Variants in FCHSD2 observed in about 807,000 individuals in gnomAD.
FCHSD2 encodes the protein FCH and double SH3 domains 2, also known as F-BAR and double SH3 domains protein 2.
FCHSD2 carries 38 observed loss-of-function variants against 108.1 expected under a neutral mutation model. That is an observed-to-expected ratio of 0.35 (90% CI 0.27 to 0.46). The LOEUF (loss-of-function observed/expected upper bound fraction) is 0.46, where lower values mean the gene tolerates loss of function less well. Ranked by LOEUF, FCHSD2 falls within the 20% of genes least tolerant of loss-of-function variation. The probability of loss-of-function intolerance (pLI) is 1.00; values close to 1 mark genes in which losing one functional copy is unlikely to be tolerated. For synonymous variants in FCHSD2, 279 were observed against 314.7 expected (o/e 0.89, Z 1.20); for missense variants, 751 against 897.8 (o/e 0.84, Z 2.09).
intron 10 of FCHSD2, among the ~76,000 whole-genome samples, chr11:72,895,932 A>C (rs1855408250): frequency 6.6e-6 from 1 of 152,200 alleles, no homozygotes; most frequent in Non-Finnish European, 1.5e-5. Flanking sequence ...CTACAAGCAG[A>C]AAGAGCCACC....
intron 5 of FCHSD2, among the ~76,000 whole-genome samples, chr11:72,993,547 G>A (rs1435849346): frequency 1.3e-5 from 2 of 152,104 alleles, no homozygotes; most frequent in African/African-American, 4.8e-5. Flanking sequence ...AAGAAAATGT[G>A]GCACATATAC....
intron 12 of FCHSD2, among the ~76,000 whole-genome samples, chr11:72,875,987 A>G (rs922356704): frequency 1.3e-5 from 2 of 152,236 alleles, no homozygotes; most frequent in Non-Finnish European, 2.9e-5. Context: ...TCTAGCTGAA[A>G]GTAATTGCTT....
intron 2 of FCHSD2, among the ~76,000 whole-genome samples, chr11:73,096,229 T>G (rs535795725): frequency 2.4e-4 from 37 of 152,004 alleles, no homozygotes; most frequent in African/African-American, 8.7e-4. Context: ...AAATGAATTT[T>G]TAAACTTCTT....
intron 10 of FCHSD2, chr11:72,900,213 C>A: frequency 7.9e-7 from 1 of 1,261,082 alleles, no homozygotes; most frequent in Non-Finnish European, 1.1e-6. Flanking sequence ...ACATGCAAAC[C>A]CACACTTCCC....
chr11:73,061,599 C>T (rs1019291436), intron 3 of FCHSD2, among the ~76,000 whole-genome samples: 2 of 152,192 alleles, frequency 1.3e-5, no homozygotes, highest in Non-Finnish European at 2.9e-5. Flanking sequence ...AGTCTGAGAT[C>T]GACCTGGGAC....
intron 5 of FCHSD2, 78 bp from the exon 6 acceptor site, chr11:72,989,175 C>T (rs1857364881): frequency 1.8e-6 from 2 of 1,118,222 alleles, no homozygotes; most frequent in African/African-American, 1.6e-5. Flanking sequence ...AAGGACTATA[C>T]ACTATGCCTT....
At chr11:73,138,965 A>G (rs1861185301) in intron 2 of FCHSD2, among the ~76,000 whole-genome samples, 1 of 152,196 alleles carries the variant, frequency 6.6e-6, no homozygotes, top group Non-Finnish European at 1.5e-5. Context: ...GGGAAGGAAG[A>G]CAAATACAGA....
In FCHSD2 at chr11:72,985,058, T is replaced by G; in HGVS notation, c.576+4A>C. 1 of 1,206,502 alleles carries G rather than the reference T, an allele frequency of 8.3e-7. No individual in the cohort carries two copies. The highest frequency in any genetic ancestry group is 1.2e-6 in the Non-Finnish European group (1 of 835,874). The allele number at this position is 1,206,502 out of a possible 1,614,324, so 74.7% of individuals were successfully genotyped here. On this transcript the variant is annotated splice_donor_region_variant and intron_variant, in intron 7 of 19. Transcript: ENST00000409418. ...GTTGTGAAATACACTTATTGAAAAC[T>G]TACCTTTACACTTGCCTTCTGTAAA...
chr11:72,902,891 T>C (rs1855555526), intron 9 of FCHSD2, among the ~76,000 whole-genome samples: 2 of 152,174 alleles, frequency 1.3e-5, no homozygotes, highest in South Asian at 4.1e-4. Context: ...GACTGGACAA[T>C]ATATAATACC....
In FCHSD2 at chr11:72,842,614, C is replaced by A; in HGVS notation, c.1926+7G>T. On this transcript the variant is annotated splice_region_variant and intron_variant, in intron 17 of 19. Coordinates refer to ENST00000409418, the MANE Select transcript of FCHSD2 (RefSeq NM_014824.3). Reference sequence around the variant, plus strand: ...CTTTTAATTCAACTGTCTCCCCTCTCAGGTACCTGAATCTCTCTCATCCAT... The same window carrying A: ...CTTTTAATTCAACTGTCTCCCCTCTAAGGTACCTGAATCTCTCTCATCCAT... The A allele has an allele frequency of 6.2e-7, 1 of 1,613,984 alleles. No individual in the cohort carries two copies. The highest frequency in any genetic ancestry group is 8.5e-7 in the Non-Finnish European group (1 of 1,179,878).
chr11:73,043,056 G>C (rs1273854298), intron 3 of FCHSD2, among the ~76,000 whole-genome samples: 2 of 152,118 alleles, frequency 1.3e-5, no homozygotes, highest in African/African-American at 2.4e-5. Context: ...TCTTTCTCTT[G>C]ACTGATGCTC....
intron 10 of FCHSD2, among the ~76,000 whole-genome samples, chr11:72,901,433 A>G (rs1457291036): frequency 6.6e-6 from 1 of 152,002 alleles, no homozygotes; most frequent in Admixed American, 6.6e-5. Context: ...AAATAAGTAA[A>G]AATAAAAACA....
intron 2 of FCHSD2, among the ~76,000 whole-genome samples, chr11:73,086,635 T>C (rs1287403562): frequency 6.6e-6 from 1 of 152,074 alleles, no homozygotes; most frequent in African/African-American, 2.4e-5. Context: ...ATTGACAAAC[T>C]TTACCTAGGA....
chr11:72,994,019 AGTT>A (rs1857473897), intron 5 of FCHSD2, among the ~76,000 whole-genome samples: 3 of 152,252 alleles, frequency 2.0e-5, no homozygotes, highest in South Asian at 2.1e-4. Flanking sequence ...CTGTCTATAG[AGTT>A]GTTGTAAAAA....
At chr11:72,988,925 T>G in intron 6 of FCHSD2, 39 bp downstream of exon 6, 1 of 1,552,970 alleles carries the variant, frequency 6.4e-7, no homozygotes, top group Non-Finnish European at 8.8e-7. Context: ...ATAACATTTA[T>G]TTGCATAATA....
chr11:72,984,842 A>G (rs1857281617), intron 7 of FCHSD2, among the ~76,000 whole-genome samples: 1 of 152,248 alleles, frequency 6.6e-6, no homozygotes, highest in African/African-American at 2.4e-5. Context: ...AGGTCCAGAA[A>G]CTTATCCCTA....
intron 12 of FCHSD2, among the ~76,000 whole-genome samples, chr11:72,883,534 A>C (rs909937103): frequency 1.3e-5 from 2 of 152,216 alleles, no homozygotes; most frequent in Non-Finnish European, 2.9e-5. Flanking sequence ...AAAACTTATA[A>C]AAAGATGCTC....
intron 12 of FCHSD2, among the ~76,000 whole-genome samples, chr11:72,880,868 GAAA>G (rs147665190): frequency 7.4e-6 from 1 of 134,264 alleles, no homozygotes; most frequent in African/African-American, 2.8e-5. Context: ...ACCCTGTCTC[GAAA>G]AAAAAAAAAA....
intron 2 of FCHSD2, among the ~76,000 whole-genome samples, chr11:73,099,130 C>T (rs1860157115): frequency 1.3e-5 from 2 of 152,128 alleles, no homozygotes; most frequent in Admixed American, 1.3e-4. Flanking sequence ...GTAGAAGAAT[C>T]ACCGAGCCCA....
Sources: allele counts gnomAD v4.1 joint callset (sites outside exome capture counted in the v4.1 genomes callset), GRCh38; gene constraint gnomAD v4.1.1; transcripts MANE v1.5; gene names NCBI Gene and HGNC (gene_info 2026-07-23, HGNC 2026-07-21).